Variants in MOB3B observed in about 807,000 individuals in gnomAD.
MOB3B encodes the protein MOB kinase activator 3B, also known as MOB kinase activator-like 2B.
In MOB3B, 7 loss-of-function variants were observed where a neutral mutation model predicts 18.7. The observed-to-expected ratio is 0.37, with a 90% confidence interval of 0.21 to 0.70. The LOEUF (loss-of-function observed/expected upper bound fraction) is 0.70. MOB3B is among the 30% of genes least tolerant of loss of function. The pLI, the probability that MOB3B is intolerant of heterozygous loss-of-function variation, is 0.52. For missense variants in MOB3B, 253 were observed against 281.3 expected, an observed-to-expected ratio of 0.90 and a Z score of 0.72; for synonymous variants, 111 against 99.9, an observed-to-expected ratio of 1.11 and a Z score of -0.66.
Position 27,326,448 on chromosome 9 carries a change from A to T in MOB3B, c.*4139T>A. 2.5e-6 allele frequency: 1 copy of T among 398,598 alleles called. No homozygotes were observed. Among genetic ancestry groups the T allele is most frequent in the Non-Finnish European group, 4.4e-6 (1 of 226,038 alleles). The allele number at this position is 398,598 out of a possible 1,614,324, so 24.7% of individuals were successfully genotyped here. A position where few individuals can be genotyped will look rare whatever the true frequency, so the allele number is the denominator to read the frequency against. On this transcript the variant is annotated 3_prime_UTR_variant, in exon 4 of 4. Transcript: ENST00000262244. ...CTTTCTAAAAGTGGGACACTAGAAA[A>T]GATATACTGAAACTCAAAAAGAATA...
At chr9:27,453,477 TATAGAGGCATCC>T (rs1483921638) in intron 2 of MOB3B, among the ~76,000 whole-genome samples, 1 of 152,152 alleles carries the variant, frequency 6.6e-6, no homozygotes, top group Non-Finnish European at 1.5e-5. Flanking sequence ...CCCTGGGGGA[TATAGAGGCATCC>T]ATAGAGGCAT....
chr9:27,388,480 A>G (rs1241867266), intron 2 of MOB3B, among the ~76,000 whole-genome samples: 3 of 152,154 alleles, frequency 2.0e-5, no homozygotes, highest in East Asian at 3.9e-4. Flanking sequence ...TTTTATTTCA[A>G]TAGGCTTTGG....
intron 1 of MOB3B, among the ~76,000 whole-genome samples, chr9:27,490,943 G>C (rs915979049): frequency 1.3e-5 from 2 of 150,336 alleles, no homozygotes; most frequent in East Asian, 4.0e-4. Flanking sequence ...AATAAAAAGA[G>C]TATTTATCAA....
chr9:27,515,761 T>C (rs1820222230), intron 1 of MOB3B, among the ~76,000 whole-genome samples: 1 of 152,150 alleles, frequency 6.6e-6, no homozygotes, highest in Admixed American at 6.5e-5. Flanking sequence ...CTTTCCAACA[T>C]GCTAGATTTG....
chr9:27,523,847 T>C (rs1820381429), intron 1 of MOB3B, among the ~76,000 whole-genome samples: 1 of 152,178 alleles, frequency 6.6e-6, no homozygotes, highest in African/African-American at 2.4e-5. Context: ...AGTCATTTGG[T>C]CAATGTCTAT....
intron 3 of MOB3B, among the ~76,000 whole-genome samples, chr9:27,337,620 T>A (rs1250437373): frequency 6.6e-6 from 1 of 151,958 alleles, no homozygotes; most frequent in Admixed American, 6.6e-5. Context: ...CTTGGAGGAG[T>A]GATGAGGATG....
At chr9:27,512,128 G>A (rs1056934862) in intron 1 of MOB3B, among the ~76,000 whole-genome samples, 8 of 152,224 alleles carry the variant, frequency 5.3e-5, no homozygotes, top group East Asian at 1.9e-4. Flanking sequence ...GGAAGATGGC[G>A]GGGCCACAAG....
chr9:27,490,607 G>A (rs1456745228), intron 1 of MOB3B, among the ~76,000 whole-genome samples: 1 of 152,144 alleles, frequency 6.6e-6, no homozygotes, highest in East Asian at 1.9e-4. Context: ...TGTTCTCTTG[G>A]GGAGGAACCT....
chr9:27,478,968 A>G (rs1229462279), intron 1 of MOB3B, among the ~76,000 whole-genome samples: 4 of 152,306 alleles, frequency 2.6e-5, no homozygotes, highest in Middle Eastern at 3.4e-3. Flanking sequence ...CTTTTCATCA[A>G]TAATACAGAG....
At chr9:27,387,517 C>A (rs1821665452) in intron 2 of MOB3B, among the ~76,000 whole-genome samples, 1 of 152,128 alleles carries the variant, frequency 6.6e-6, no homozygotes. Flanking sequence ...ATTCAATAAG[C>A]TAATATGTTA....
At chr9:27,518,521 G>T (rs1820274559) in intron 1 of MOB3B, among the ~76,000 whole-genome samples, 1 of 152,160 alleles carries the variant, frequency 6.6e-6, no homozygotes, top group Non-Finnish European at 1.5e-5. Flanking sequence ...CAGAGAGTAG[G>T]TTTTACTGAT....
intron 2 of MOB3B, chr9:27,378,704 A>C (rs1245669634): frequency 2.1e-6 from 1 of 470,848 alleles, no homozygotes; most frequent in Non-Finnish European, 4.4e-6. Flanking sequence ...TGCATCTTTG[A>C]GTATTGCATG....
At chr9:27,441,302 A>C (rs1822591769) in intron 2 of MOB3B, among the ~76,000 whole-genome samples, 1 of 152,196 alleles carries the variant, frequency 6.6e-6, no homozygotes, top group African/African-American at 2.4e-5. Flanking sequence ...CATAGATCTG[A>C]GCAACCTTAG....
At chr9:27,466,468 G>A (rs576507760) in intron 1 of MOB3B, among the ~76,000 whole-genome samples, 12 of 152,264 alleles carry the variant, frequency 7.9e-5, no homozygotes, top group African/African-American at 2.9e-4. Flanking sequence ...ACCTCTGCCT[G>A]TTACCCAGTT....
chr9:27,411,968 G>A (rs555356041), intron 2 of MOB3B, among the ~76,000 whole-genome samples: 90 of 152,110 alleles, frequency 5.9e-4, no homozygotes, highest in Non-Finnish European at 1.1e-3. Context: ...TCCATTTTCT[G>A]TAAACCTAAA....
At chr9:27,416,678 G>C (rs576155553) in intron 2 of MOB3B, among the ~76,000 whole-genome samples, 46 of 149,906 alleles carry the variant, frequency 3.1e-4, no homozygotes, top group African/African-American at 1.1e-3. Context: ...CTACAGGCAT[G>C]ATGTACCACC....
intron 1 of MOB3B, among the ~76,000 whole-genome samples, chr9:27,511,944 G>A (rs1820152722): frequency 6.6e-6 from 1 of 152,068 alleles, no homozygotes; most frequent in Admixed American, 6.6e-5. Flanking sequence ...GGCATCCCTC[G>A]CACTTAGCTG....
chr9:27,370,523 G>A (rs10812575), intron 2 of MOB3B, among the ~76,000 whole-genome samples: 79,933 of 141,028 alleles, frequency 0.57, 22,980 homozygotes, highest in African/African-American at 0.63. Flanking sequence ...AAAAAAAAAA[G>A]AAAAAAAGAG....
intron 3 of MOB3B, among the ~76,000 whole-genome samples, chr9:27,339,150 C>G (rs964968302): frequency 1.6e-4 from 24 of 152,172 alleles, no homozygotes; most frequent in Non-Finnish European, 2.8e-4. Flanking sequence ...CTGCAGTGGT[C>G]AAGCTGGTGG....
Sources: gnomAD v4.1 joint callset for allele counts (sites outside exome capture counted in the v4.1 genomes callset) on GRCh38, gnomAD v4.1.1 for gene constraint, MANE v1.5 for transcripts, NCBI Gene and HGNC (gene_info 2026-07-23, HGNC 2026-07-21) for gene names.